Variants in ADAM22 observed in about 807,000 individuals in gnomAD.
ADAM22 encodes disintegrin and metalloproteinase domain-containing protein 22.
Under a neutral mutation model 144.6 loss-of-function variants are expected in ADAM22, and 65 were observed. That is an observed-to-expected ratio of 0.45 (90% CI 0.37 to 0.55). The LOEUF (loss-of-function observed/expected upper bound fraction) is 0.55. ADAM22 is among the 20% of genes least tolerant of loss of function. The probability of loss-of-function intolerance (pLI) is 0.00; values close to 1 mark genes in which losing one functional copy is unlikely to be tolerated. For synonymous variants in ADAM22, 391 were observed against 412.6 expected (o/e 0.95, Z 0.63); for missense variants, 974 against 1,184.9 (o/e 0.82, Z 2.61).
intron 4 of ADAM22, among the ~76,000 whole-genome samples, chr7:88,083,559 A>G (rs1035782233): frequency 4.8e-5 from 7 of 146,670 alleles, no homozygotes; most frequent in African/African-American, 1.3e-4. Context: ...CACTTTGACT[A>G]TCTTTTTTTT....
intron 2 of ADAM22, among the ~76,000 whole-genome samples, chr7:87,959,400 A>G (rs1302756926): frequency 6.6e-6 from 1 of 152,092 alleles, no homozygotes; most frequent in Non-Finnish European, 1.5e-5. Context: ...TATAATTATC[A>G]TTTCTTGGTA....
intron 17 of ADAM22, 62 bp downstream of exon 17, chr7:88,145,569 G>T: frequency 4.5e-6 from 6 of 1,328,804 alleles, no homozygotes; most frequent in Non-Finnish European, 6.4e-6. Context: ...AATCATTAAG[G>T]CTGGGTAAAT....
chr7:88,186,457 G>C, intron 29 of ADAM22, 158 bp from the exon 30 acceptor site: 1 of 678,818 alleles, frequency 1.5e-6, no homozygotes, highest in Non-Finnish European at 2.7e-6. Context: ...TCATGTCATT[G>C]TATAGACTGC....
chr7:88,034,813 C>T (rs1801123209), intron 3 of ADAM22, among the ~76,000 whole-genome samples: 1 of 152,124 alleles, frequency 6.6e-6, no homozygotes, highest in African/African-American at 2.4e-5. Context: ...AATTCCAACG[C>T]AAAGTCCCAC....
chr7:88,160,611 C>T (rs1841327149), intron 22 of ADAM22, among the ~76,000 whole-genome samples: 1 of 151,980 alleles, frequency 6.6e-6, no homozygotes, highest in Non-Finnish European at 1.5e-5. Flanking sequence ...TAATGGGGTA[C>T]TGGGTATATA....
chr7:88,088,406 T>G (rs1240920996), intron 4 of ADAM22, among the ~76,000 whole-genome samples: 1 of 152,098 alleles, frequency 6.6e-6, no homozygotes, highest in Non-Finnish European at 1.5e-5. Flanking sequence ...TTTGTGCTCA[T>G]TTTTCTAAGT....
chr7:88,045,888 TTGTGTGTGTGTG>T lies in ADAM22; in HGVS notation c.324-29704_324-29693del, dbSNP rs59898382. Among the ~76,000 whole-genome samples the T allele has an allele frequency of 8.5e-3, 1,137 of 134,020 alleles. 17 individuals are homozygous for T. The highest frequency in any genetic ancestry group is 0.042 in the East Asian group (189 of 4,508). 87.9% of individuals were successfully genotyped at this position (134,020 alleles called of 152,430 possible). The stretch of plus-strand genomic sequence containing the variant: ...CATTTTAAGGCTGAGTCGTATTCTA[TTGTGTGTGTGTG>T]TGTGTGTGTGTGTGTGTGTGTGTGT... On this transcript the variant is annotated intron_variant, in intron 3 of 31. Transcript: ENST00000413139.
chr7:87,963,685 T>G (rs1848468147), intron 2 of ADAM22, among the ~76,000 whole-genome samples: 1 of 152,304 alleles, frequency 6.6e-6, no homozygotes, highest in East Asian at 1.9e-4. Flanking sequence ...TCTGAGCCCC[T>G]GTATGCTCAG....
At chr7:88,143,203 A>G (rs955888158) in intron 15 of ADAM22, 78 bp downstream of exon 15, 6 of 1,048,626 alleles carry the variant, frequency 5.7e-6, no homozygotes, top group African/African-American at 1.6e-5. Context: ...ATTTTCAGCT[A>G]TTGAATCTTA....
At chr7:88,171,665 T>C in intron 26 of ADAM22, 104 bp downstream of exon 26, 1 of 1,050,724 alleles carries the variant, frequency 9.5e-7, no homozygotes, top group Non-Finnish European at 1.4e-6. Flanking sequence ...TTTGTTTTTA[T>C]GTATAATAAT....
At chr7:87,971,319 C>G (rs1165443377) in intron 2 of ADAM22, among the ~76,000 whole-genome samples, 1 of 152,188 alleles carries the variant, frequency 6.6e-6, no homozygotes, top group Non-Finnish European at 1.5e-5. Flanking sequence ...GCAAGTACCT[C>G]CAAGCTGTAG....
In ADAM22 at chr7:88,158,589, C is replaced by T. The variant is rs147715090; in HGVS notation, c.1907+2583C>T. Among the ~76,000 whole-genome samples, 283 of 152,034 alleles carry T rather than the reference C, an allele frequency of 1.9e-3. 2 individuals carry two copies. The highest frequency in any genetic ancestry group is 6.2e-3 in the African/African-American group (258 of 41,468). On this transcript the variant is annotated intron_variant, in intron 22 of 31. Transcript: ENST00000413139. ...ACCACAGCACAATACAAATAGAAAT[C>T]GAGACTTAAATTTTTTTTCAAAACC...
At chr7:87,934,973 C>A in intron 1 of ADAM22, 53 bp from the exon 2 acceptor site, 4 of 1,610,302 alleles carry the variant, frequency 2.5e-6, no homozygotes, top group South Asian at 1.1e-5. Flanking sequence ...GGGTCAGGGT[C>A]ATTATTTTCG....
At chr7:88,172,832 G>A (rs554357285) in intron 26 of ADAM22, among the ~76,000 whole-genome samples, 18 of 152,076 alleles carry the variant, frequency 1.2e-4, no homozygotes, top group Non-Finnish European at 2.1e-4. Context: ...GTCCAAAAGC[G>A]CTTGCTTAGA....
At chr7:88,004,046 T>C (rs989048879) in intron 3 of ADAM22, among the ~76,000 whole-genome samples, 2 of 152,206 alleles carry the variant, frequency 1.3e-5, no homozygotes, top group Admixed American at 6.5e-5. Context: ...TCTTTAACCA[T>C]GTAAGCAGAA....
At position 87,935,019 on chromosome 7, in the gene ADAM22, C is replaced by T. The variant is rs756864011; in HGVS notation, c.86-7C>T. On this transcript the variant is annotated splice_region_variant and splice_polypyrimidine_tract_variant and intron_variant, in intron 1 of 31. Coordinates refer to ENST00000413139, the MANE Select transcript of ADAM22 (RefSeq NM_001324418.2). ...CCACTCCCTCCTTTCCCGGTTCCTGCCTGGAGGAGACGCCTCATTGATGGA... is the reference window on the plus strand; with the variant it reads ...CCACTCCCTCCTTTCCCGGTTCCTGTCTGGAGGAGACGCCTCATTGATGGA... 2 of 1,614,020 alleles carry T rather than the reference C, an allele frequency of 1.2e-6. No homozygotes were observed. Among genetic ancestry groups the T allele is most frequent in the African/African-American group, 1.3e-5 (1 of 74,934 alleles).
At position 88,196,322 on chromosome 7, in the gene ADAM22, T is replaced by A; in HGVS notation, c.2875-149T>A. The A allele has an allele frequency of 3.5e-6, 3 of 866,216 alleles. No individual in the cohort carries two copies. In the South Asian group the frequency reaches 4.5e-5, roughly 13 times the overall value. The allele number at this position is 866,216 out of a possible 1,614,324, so 53.7% of individuals were successfully genotyped here. ...ACAGAGAGCTAAAAGTTGGAGTGTTTATTCTATCCACTTTTTAGACTTTGC... is the reference window on the plus strand; with the variant it reads ...ACAGAGAGCTAAAAGTTGGAGTGTTAATTCTATCCACTTTTTAGACTTTGC... On this transcript the variant is annotated intron_variant, in intron 31 of 31. Transcript: ENST00000413139.
chr7:88,141,060 A>G (rs988602009), intron 14 of ADAM22, among the ~76,000 whole-genome samples: 1 of 152,198 alleles, frequency 6.6e-6, no homozygotes, highest in African/African-American at 2.4e-5. Flanking sequence ...TTCAAGTTAT[A>G]GTAATGAAGC....
At chr7:88,103,858 T>G (rs1449764354) in intron 4 of ADAM22, among the ~76,000 whole-genome samples, 1 of 152,196 alleles carries the variant, frequency 6.6e-6, no homozygotes, top group Non-Finnish European at 1.5e-5. Flanking sequence ...GTTAGTGGTC[T>G]TTACTGAAAT....
Sources: allele counts gnomAD v4.1 joint callset (sites outside exome capture counted in the v4.1 genomes callset), GRCh38; gene constraint gnomAD v4.1.1; transcripts MANE v1.5; gene names NCBI Gene and HGNC (gene_info 2026-07-23, HGNC 2026-07-21).